The following XPR1 variants were observed in gnomAD, a reference collection of about 807,000 sequenced individuals.
The protein encoded by XPR1 is xenotropic and polytropic retrovirus receptor 1, also known as solute carrier family 53 member 1.
Under a neutral mutation model 87.5 loss-of-function variants are expected in XPR1, and 28 were observed. The observed-to-expected ratio is 0.32, with a 90% confidence interval of 0.24 to 0.44. The LOEUF (loss-of-function observed/expected upper bound fraction) is 0.44. Among genes scored for constraint, XPR1 ranks in the 20% least tolerant of loss-of-function variants. The probability of loss-of-function intolerance (pLI) is 1.00; values close to 1 mark genes in which losing one functional copy is unlikely to be tolerated. For missense variants in XPR1, 559 were observed against 862.3 expected (o/e 0.65, Z 4.41); for synonymous variants, 300 against 306.1 (o/e 0.98, Z 0.21).
At chr1:180,671,040 C>G (rs1330454011) in intron 1 of XPR1, among the ~76,000 whole-genome samples, 1 of 152,154 alleles carries the variant, frequency 6.6e-6, no homozygotes, top group Admixed American at 6.5e-5. Flanking sequence ...AGAAGAAATA[C>G]TGAGGTCTCT....
At chr1:180,638,263 A>G (rs1030488921) in intron 1 of XPR1, among the ~76,000 whole-genome samples, 2 of 152,196 alleles carry the variant, frequency 1.3e-5, no homozygotes, top group African/African-American at 4.8e-5. Flanking sequence ...TACATTGTAC[A>G]CAGATACAGA....
chr1:180,779,907 A>T (rs762326497), intron 2 of XPR1, among the ~76,000 whole-genome samples: 2 of 152,110 alleles, frequency 1.3e-5, no homozygotes, highest in Non-Finnish European at 2.9e-5. Flanking sequence ...GACATTTCAT[A>T]TAAATGGATT....
At chr1:180,878,871 TAG>T (rs1167169244) in intron 13 of XPR1, among the ~76,000 whole-genome samples, 1 of 152,226 alleles carries the variant, frequency 6.6e-6, no homozygotes, top group African/African-American at 2.4e-5. Flanking sequence ...TTTTAAGTGT[TAG>T]AGTGTTCCAG....
In XPR1 at chr1:180,787,801, A is replaced by G. The variant is rs754759865; in HGVS notation, c.170A>G (p.Lys57Arg). 2 of 1,613,634 alleles carry G rather than the reference A, an allele frequency of 1.2e-6. No individual in the cohort carries two copies. The highest frequency in any genetic ancestry group is 1.3e-5 in the African/African-American group (1 of 75,002). ...AGGTATTTTGCCAAGTTTGAAGAGA[A>G]GTTTTTCCAAACCTGTGAAAAAGAA... The part of the protein sequence containing the change: ...VKRYFAKFEE[K>R]FFQTCEKELA... The change falls in exon 3 of 15, where the codon AAG becomes AGG. Residue 57 changes from lysine to arginine, a missense_variant. Lys to Arg is a conservative substitution (Grantham distance 26). Transcript: ENST00000367590.
chr1:180,701,295 A>G (rs1287984359), intron 2 of XPR1, among the ~76,000 whole-genome samples: 5 of 68,532 alleles, frequency 7.3e-5, no homozygotes, highest in Non-Finnish European at 1.3e-4. Flanking sequence ...GTCTTGTGCC[A>G]GTTTTCAAAG....
At chr1:180,882,318 G>A (rs1035738248) in intron 14 of XPR1, among the ~76,000 whole-genome samples, 17 of 152,128 alleles carry the variant, frequency 1.1e-4, no homozygotes, top group African/African-American at 4.1e-4. Flanking sequence ...TATCACTCAT[G>A]CAACCTTTAG....
intron 2 of XPR1, among the ~76,000 whole-genome samples, chr1:180,684,969 C>T (rs1210058264): frequency 1.2e-4 from 18 of 151,988 alleles, no homozygotes; most frequent in Non-Finnish European, 2.5e-4. Flanking sequence ...TAATTGAATA[C>T]CCTTTATTTC....
At chr1:180,839,451 G>T (rs919350496) in intron 11 of XPR1, among the ~76,000 whole-genome samples, 5 of 152,106 alleles carry the variant, frequency 3.3e-5, no homozygotes, top group Non-Finnish European at 7.4e-5. Flanking sequence ...ATTTACCAGT[G>T]CAATATTTTA....
rs1654601047 is a variant in XPR1, at chr1:180,632,105, G to C, written c.-97G>C. On this transcript the variant is annotated 5_prime_UTR_variant, in exon 1 of 15. Coordinates refer to ENST00000367590, the MANE Select transcript of XPR1 (RefSeq NM_004736.4). ...GAGGAGGAGAGAAGCGCAGCGCCGC[G>C]CCGCGCCGGGGCCCATGTGGGGAGG... is the stretch of plus-strand genomic sequence containing the variant. 6.9e-7 allele frequency: 1 copy of C among 1,449,220 alleles called. No homozygotes were observed. Among genetic ancestry groups the C allele is most frequent in the Non-Finnish European group, 9.5e-7 (1 of 1,055,198 alleles). 89.8% of individuals were successfully genotyped at this position (1,449,220 alleles called of 1,614,324 possible). A position where few individuals can be genotyped will look rare whatever the true frequency, so the allele number is the denominator to read the frequency against.
intron 7 of XPR1, among the ~76,000 whole-genome samples, chr1:180,818,650 A>G (rs892670145): frequency 1.3e-5 from 2 of 152,278 alleles, no homozygotes; most frequent in Admixed American, 6.5e-5. Context: ...GGGACCTTAT[A>G]TATCTTTTAT....
Position 180,880,262 on chromosome 1 carries a change from G to C in XPR1, c.1995G>C (p.Gln665His). 6.2e-7 allele frequency: 1 copy of C among 1,614,174 alleles called. No homozygotes were observed. Reference sequence around the variant, plus strand: ...AGAATCGGTCATGGAAGTACAACCAGAGCATATCCCTGCGCCGGCCTCGCC... The same window carrying C: ...AGAATCGGTCATGGAAGTACAACCACAGCATATCCCTGCGCCGGCCTCGCC... ...RQKNRSWKYN[Q>H]SISLRRPRLA... The change falls in exon 14 of 15, where the codon CAG becomes CAC. Residue 665 changes from glutamine to histidine, a missense_variant. Gln to His is a conservative substitution (Grantham distance 24). Transcript: ENST00000367590.
intron 9 of XPR1, among the ~76,000 whole-genome samples, chr1:180,831,346 A>G (rs375922967): frequency 1.8e-5 from 1 of 56,358 alleles, no homozygotes; most frequent in Non-Finnish European, 3.9e-5. Context: ...TTTGCTTTCT[A>G]TTTTCTTTTC....
At chr1:180,782,266 G>C (rs1180470213) in intron 2 of XPR1, among the ~76,000 whole-genome samples, 1 of 151,732 alleles carries the variant, frequency 6.6e-6, no homozygotes, top group African/African-American at 2.4e-5. Flanking sequence ...TTAGTCTTTT[G>C]TGACTAATTA....
intron 11 of XPR1, among the ~76,000 whole-genome samples, chr1:180,841,150 A>G (rs2102177023): frequency 6.6e-6 from 1 of 152,274 alleles, no homozygotes; most frequent in Non-Finnish European, 1.5e-5. Flanking sequence ...GTATAAAGAG[A>G]TAAGCAGGGT....
At chr1:180,866,301 G>T (rs924871900) in intron 12 of XPR1, among the ~76,000 whole-genome samples, 3 of 152,156 alleles carry the variant, frequency 2.0e-5, no homozygotes, top group Admixed American at 1.3e-4. Flanking sequence ...ATCCAGTGGA[G>T]CTTCATTAAA....
chr1:180,842,491 A>AT (rs1651551010), intron 11 of XPR1, among the ~76,000 whole-genome samples: 1 of 152,122 alleles, frequency 6.6e-6, no homozygotes. Flanking sequence ...ATTTCAGTAT[A>AT]TTTTTTCTAT....
rs534761294 is a variant in XPR1, at chr1:180,889,502, A to T, written c.*5436A>T. The T allele has an allele frequency of 6.6e-6, 1 of 152,298 alleles. No homozygotes were observed. Among genetic ancestry groups the T allele is most frequent in the African/African-American group, 2.4e-5 (1 of 41,578 alleles). 9.4% of individuals were successfully genotyped at this position (152,298 alleles called of 1,614,324 possible). A position where few individuals can be genotyped will look rare whatever the true frequency, so the allele number is the denominator to read the frequency against. On this transcript the variant is annotated 3_prime_UTR_variant, in exon 15 of 15. Transcript: ENST00000367590. Reference sequence around the variant, plus strand: ...CTTGATCATTATCTCTGAAGTCCCTACCTGCACTTCCCTGATTGCCCTGTA... The same window carrying T: ...CTTGATCATTATCTCTGAAGTCCCTTCCTGCACTTCCCTGATTGCCCTGTA...
intron 13 of XPR1, chr1:180,878,153 T>C (rs1652720471): frequency 6.6e-6 from 1 of 152,268 alleles, no homozygotes; most frequent in African/African-American, 2.4e-5. Context: ...TCTTTCTCTT[T>C]CATGTGTGCT....
At chr1:180,659,430 TC>T (rs2101916353) in intron 1 of XPR1, among the ~76,000 whole-genome samples, 5 of 104,778 alleles carry the variant, frequency 4.8e-5, no homozygotes, top group Admixed American at 4.0e-4. Context: ...CTTCCTTCCT[TC>T]CTTCCTTCTT....
Sources: gnomAD v4.1 joint callset for allele counts (sites outside exome capture counted in the v4.1 genomes callset) on GRCh38, gnomAD v4.1.1 for gene constraint, MANE v1.5 for transcripts, NCBI Gene and HGNC (gene_info 2026-07-23, HGNC 2026-07-21) for gene names.